The following CLCN1 variants were observed in gnomAD, a reference collection of about 807,000 sequenced individuals.
CLCN1 encodes chloride channel protein 1.
In CLCN1, 100 loss-of-function variants were observed where a neutral mutation model predicts 114.5. The ratio of observed to expected loss-of-function variants is 0.87; its 90% CI spans 0.74 to 1.03. The LOEUF (loss-of-function observed/expected upper bound fraction) is 1.03. Ranked by LOEUF, CLCN1 falls within the 50% of genes least tolerant of loss-of-function variation. The pLI is 0.00. For synonymous variants in CLCN1, 485 were observed against 487.1 expected, an observed-to-expected ratio of 1.00 and a Z score of 0.06; for missense variants, 1,188 against 1,250.0, an observed-to-expected ratio of 0.95 and a Z score of 0.75.
intron 1 of CLCN1, among the ~76,000 whole-genome samples, chr7:143,317,325 T>C (rs538813832): frequency 6.8e-6 from 1 of 146,038 alleles, no homozygotes; most frequent in East Asian, 2.0e-4. Flanking sequence ...CTTGGCTCAC[T>C]GCGACCTCCG....
intron 7 of CLCN1, among the ~76,000 whole-genome samples, chr7:143,328,492 C>T (rs1398239218): frequency 6.6e-6 from 1 of 152,184 alleles, no homozygotes; most frequent in African/African-American, 2.4e-5. Flanking sequence ...TTAAAATTAG[C>T]TCTCATTCCG....
rs1417174086 is a variant in CLCN1 at position 143,345,648 on chromosome 7, C to A, written c.2058C>A (p.Tyr686Ter). 4 of 1,566,142 alleles carry A rather than the reference C, an allele frequency of 2.6e-6. No individual in the cohort carries two copies. The highest frequency in any genetic ancestry group is 1.2e-5 in the South Asian group (1 of 85,250). Reference sequence around the variant, plus strand: ...CGCGGAAGTTGTCGGAGCTGCCTTACGACGGGAAGGCGCGGCTGGCTGGGG... The same window carrying A: ...CGCGGAAGTTGTCGGAGCTGCCTTAAGACGGGAAGGCGCGGCTGGCTGGGG... ...EMARKLSELP[Y>*]DGKARLAGEG... The change falls in exon 17 of 23, where the codon TAC becomes TAA. Residue 686 changes from tyrosine to a stop codon, truncating the protein, a stop_gained. Transcript: ENST00000343257. LOFTEE classifies it high-confidence loss of function.
intron 12 of CLCN1, among the ~76,000 whole-genome samples, chr7:143,335,024 T>G (rs1802835829): frequency 6.6e-6 from 1 of 152,226 alleles, no homozygotes; most frequent in Non-Finnish European, 1.5e-5. Context: ...GGTAGTCCAA[T>G]GATGATAACT....
chr7:143,350,620 T>C lies in CLCN1; in HGVS notation c.2561T>C (p.Met854Thr). The stretch of plus-strand genomic sequence containing the variant: ...CTCCACCTCGCTTACGTGACCAGCA[T>C]GGGGAAGCTCAGGGGCGTCCTGGCC... ...LGLHLAYVTS[M>T]GKLRGVLALE... Residue 854 changes from methionine (M) to threonine (T), a missense_variant, in exon 22 of 23, where the codon ATG becomes ACG. By Grantham distance (81) the Met-to-Thr change is moderately conservative. Transcript: ENST00000343257. The surrounding 1 kb of genome is among the most constrained non-coding windows in gnomAD (Gnocchi z 5.1). 6.2e-7 allele frequency: 1 copy of C among 1,614,096 alleles called. No homozygotes were observed. The highest frequency in any genetic ancestry group is 1.7e-5 in the Admixed American group (1 of 60,014).
intron 22 of CLCN1, among the ~76,000 whole-genome samples, chr7:143,351,203 G>A (rs1457072627): frequency 3.9e-5 from 6 of 152,166 alleles, no homozygotes; most frequent in East Asian, 1.9e-4. Flanking sequence ...CCCAGATGGG[G>A]CCCACGTGAT....
In CLCN1 at chr7:143,324,347, G is replaced by C. The variant is rs958822708; in HGVS notation, c.775-67G>C. 1.1e-5 allele frequency: 13 copies of C among 1,167,958 alleles called. No homozygotes were observed. The highest frequency in any genetic ancestry group is 1.7e-5 in the Admixed American group (1 of 59,302). 72.3% of individuals were successfully genotyped at this position (1,167,958 alleles called of 1,614,324 possible). ...TCTGCCTTATTCCCCATCCCTGCTTGTTCTGTCCTCTGCCTGCCCACCTCC... is the reference window on the plus strand; with the variant it reads ...TCTGCCTTATTCCCCATCCCTGCTTCTTCTGTCCTCTGCCTGCCCACCTCC... On this transcript the variant is annotated intron_variant, in intron 6 of 22. Coordinates refer to ENST00000343257, the MANE Select transcript of CLCN1 (RefSeq NM_000083.3). The surrounding 1 kb of genome is among the most constrained non-coding windows in gnomAD (Gnocchi z 4.6).
chr7:143,347,516 G>A (rs1586518084), intron 20 of CLCN1, among the ~76,000 whole-genome samples: 2 of 151,540 alleles, frequency 1.3e-5, no homozygotes, highest in Middle Eastern at 6.8e-3. Context: ...AGATATTTGG[G>A]AGGCTGAGGC....
intron 7 of CLCN1, among the ~76,000 whole-genome samples, chr7:143,325,450 C>A (rs1332429734): frequency 6.6e-6 from 1 of 152,176 alleles, no homozygotes; most frequent in East Asian, 1.9e-4. Context: ...AACACTGTGG[C>A]AAAGCACACA....
At chr7:143,322,557 C>T (rs538645384) in intron 5 of CLCN1, among the ~76,000 whole-genome samples, 45 of 152,340 alleles carry the variant, frequency 3.0e-4, no homozygotes, top group South Asian at 2.3e-3. Flanking sequence ...GTGTCTAGCT[C>T]GCTTGCCCAA....
At chr7:143,342,287 ACTGAAAGT>A (rs1803101323) in intron 15 of CLCN1, 77 bp from the exon 16 acceptor site, 1 of 1,552,514 alleles carries the variant, frequency 6.4e-7, no homozygotes, top group African/African-American at 1.4e-5. Context: ...ATTGTGAGTG[ACTGAAAGT>A]ATGGCAAATC....
At chr7:143,344,307 G>A (rs752191718) in intron 16 of CLCN1, among the ~76,000 whole-genome samples, 34 of 152,052 alleles carry the variant, frequency 2.2e-4, no homozygotes, top group Non-Finnish European at 3.7e-4. Flanking sequence ...TGAGAATAGA[G>A]GCTATGAATT....
At chr7:143,325,096 C>G (rs1012968212) in intron 7 of CLCN1, among the ~76,000 whole-genome samples, 3 of 152,152 alleles carry the variant, frequency 2.0e-5, no homozygotes, top group Admixed American at 6.5e-5. Context: ...GATTATTTTC[C>G]TTATCATGGA....
chr7:143,324,554 T>A lies in CLCN1; in HGVS notation c.853+62T>A. 7.9e-7 allele frequency: 1 copy of A among 1,266,018 alleles called. No homozygotes were observed. The highest frequency in any genetic ancestry group is 1.2e-6 in the Non-Finnish European group (1 of 864,170). 78.4% of individuals were successfully genotyped at this position (1,266,018 alleles called of 1,614,324 possible). On this transcript the variant is annotated intron_variant, in intron 7 of 22. Coordinates refer to ENST00000343257, the MANE Select transcript of CLCN1 (RefSeq NM_000083.3). The surrounding 1 kb of genome is among the most constrained non-coding windows in gnomAD (Gnocchi z 4.6). ...CCTGGCCTGGCTCCCAAAACAGTTT[T>A]AATCAGTATCCACAAGTGCTGGTAT...
Position 143,332,587 on chromosome 7 carries a change from G to C in CLCN1, c.1251+84G>C. 4 of 1,518,374 alleles carry C rather than the reference G, an allele frequency of 2.6e-6. No homozygotes were observed. In the South Asian group the frequency reaches 4.5e-5, roughly 17 times the overall value. 94.1% of individuals were successfully genotyped at this position (1,518,374 alleles called of 1,614,324 possible). The stretch of plus-strand genomic sequence containing the variant: ...TCAGAGCATAAGTAGTTTTGTCCAA[G>C]GATAGACTTTCTAGATTCTCCCTGA... On this transcript the variant is annotated intron_variant, in intron 11 of 22. Coordinates refer to ENST00000343257, the MANE Select transcript of CLCN1 (RefSeq NM_000083.3).
chr7:143,341,886 A>G, intron 14 of CLCN1, 43 bp from the exon 15 acceptor site: 1 of 1,515,550 alleles, frequency 6.6e-7, no homozygotes, highest in Non-Finnish European at 9.2e-7. Context: ...TCATGCTAAG[A>G]ACGGTAGCCC....
intron 16 of CLCN1, 53 bp from the exon 17 acceptor site, chr7:143,345,468 T>C: frequency 2.0e-6 from 3 of 1,482,354 alleles, no homozygotes; most frequent in Non-Finnish European, 1.8e-6. Context: ...CGGAGCGCGG[T>C]GGTGCGAGAG....
chr7:143,320,389 A>T (rs1022287624), intron 2 of CLCN1, among the ~76,000 whole-genome samples: 1 of 152,104 alleles, frequency 6.6e-6, no homozygotes, highest in Non-Finnish European at 1.5e-5. Flanking sequence ...TCAAGTATTC[A>T]TGGGGAACTG....
chr7:143,345,823 TCTGGGCTGGG>T (rs368460599), intron 17 of CLCN1, 61 bp downstream of exon 17: 449 of 1,566,058 alleles, frequency 2.9e-4, no homozygotes, highest in Non-Finnish European at 3.8e-4. Context: ...AAAAGCGTCG[TCTGGGCTGGG>T]CTGGGCTGGG....
intron 5 of CLCN1, among the ~76,000 whole-genome samples, chr7:143,322,683 T>C (rs2091322): frequency 0.47 from 70,875 of 152,118 alleles, 18,099 homozygotes; most frequent in Middle Eastern, 0.69. Context: ...CCACCACATC[T>C]GGTAATTTTT....
Sources: gnomAD v4.1 joint callset for allele counts (sites outside exome capture counted in the v4.1 genomes callset) on GRCh38, gnomAD v4.1.1 for gene constraint, Gnocchi (gnomAD v3.1) non-coding constraint, MANE v1.5 for transcripts, NCBI Gene and HGNC (gene_info 2026-07-23, HGNC 2026-07-21) for gene names.